GLP2R: variants seen among roughly 807,000 people sequenced by gnomAD.
GLP2R encodes the protein glucagon like peptide 2 receptor.
Under a neutral mutation model 68.2 loss-of-function variants are expected in GLP2R, and 59 were observed. The ratio of observed to expected loss-of-function variants is 0.87; its 90% CI spans 0.70 to 1.07. The LOEUF is 1.07. Ranked by LOEUF, GLP2R falls within the 50% of genes least tolerant of loss-of-function variation. GLP2R has a pLI of 0.00. For synonymous variants in GLP2R, 270 were observed against 265.4 expected, an observed-to-expected ratio of 1.02 and a Z score of -0.17; for missense variants, 548 against 677.4, an observed-to-expected ratio of 0.81 and a Z score of 2.12.
In GLP2R at chr17:9,881,623, G is replaced by A. The variant is rs3915729; in HGVS notation, c.1284+1107G>A. Among the ~76,000 whole-genome samples the A allele has an allele frequency of 4.0e-5, 6 of 151,174 alleles. 2 individuals carry two copies. The highest frequency in any genetic ancestry group is 9.8e-5 in the African/African-American group (4 of 40,716). ...TCTCGATCTCCTGACCTCGTGATCC[G>A]CCCGCCTCGGCCTCCCAAAGTGCTG... is the stretch of plus-strand genomic sequence containing the variant. On this transcript the variant is annotated intron_variant, in intron 11 of 12. Coordinates refer to ENST00000262441, the MANE Select transcript of GLP2R (RefSeq NM_004246.3).
chr17:9,836,292 C>G, intron 2 of GLP2R, 79 bp from the exon 3 acceptor site: 1 of 948,084 alleles, frequency 1.1e-6, no homozygotes, highest in Non-Finnish European at 1.7e-6. Flanking sequence ...AAGGTGGGCT[C>G]CCACGGTGCC....
At chr17:9,879,452 G>T (rs995010670) in intron 10 of GLP2R, among the ~76,000 whole-genome samples, 5 of 152,144 alleles carry the variant, frequency 3.3e-5, no homozygotes, top group African/African-American at 1.2e-4. Context: ...AGCTAGAATC[G>T]TGCTACTGTA....
At chr17:9,883,249 A>C (rs931053867) in intron 11 of GLP2R, among the ~76,000 whole-genome samples, 1 of 152,208 alleles carries the variant, frequency 6.6e-6, no homozygotes, top group Non-Finnish European at 1.5e-5. Context: ...GCTTAGATTT[A>C]AGATTGCAGA....
At chr17:9,876,877 A>G (rs1401157820) in intron 10 of GLP2R, among the ~76,000 whole-genome samples, 1 of 152,266 alleles carries the variant, frequency 6.6e-6, no homozygotes, top group Non-Finnish European at 1.5e-5. Flanking sequence ...AGTAATAACT[A>G]AAATGTATTG....
At chr17:9,885,964 G>A (rs996531994) in intron 11 of GLP2R, among the ~76,000 whole-genome samples, 1 of 152,196 alleles carries the variant, frequency 6.6e-6, no homozygotes, top group African/African-American at 2.4e-5. Flanking sequence ...ACTCTGCAGG[G>A]TGTTTTGTAC....
intron 4 of GLP2R, among the ~76,000 whole-genome samples, chr17:9,848,289 A>C (rs543262223): frequency 6.6e-6 from 1 of 152,148 alleles, no homozygotes; most frequent in Non-Finnish European, 1.5e-5. Context: ...TGAGAACAAC[A>C]ACAAAGTCAC....
At chr17:9,833,106 C>CA (rs1285243800) in intron 1 of GLP2R, among the ~76,000 whole-genome samples, 1 of 151,838 alleles carries the variant, frequency 6.6e-6, no homozygotes, top group Non-Finnish European at 1.5e-5. Flanking sequence ...ACTAAAAATA[C>CA]AAAAAAATTA....
intron 5 of GLP2R, among the ~76,000 whole-genome samples, chr17:9,856,954 G>A (rs553778331): frequency 1.3e-5 from 2 of 151,510 alleles, no homozygotes; most frequent in Non-Finnish European, 2.9e-5. Context: ...GTGAAGTCTC[G>A]CTCTGTTGCC....
rs745897692 is a variant in GLP2R, at chr17:9,825,988, G to T, written c.-76G>T. 1 of 1,190,160 alleles carries T rather than the reference G, an allele frequency of 8.4e-7. No individual in the cohort carries two copies. The highest frequency in any genetic ancestry group is 2.5e-5 in the East Asian group (1 of 40,276). 73.7% of individuals were successfully genotyped at this position (1,190,160 alleles called of 1,614,324 possible). ...ATTTCCTCTGTGGACCAAGAGGAATGCAAGAGGAGGCTGCCTGCGGTGCAT... is the reference window on the plus strand; with the variant it reads ...ATTTCCTCTGTGGACCAAGAGGAATTCAAGAGGAGGCTGCCTGCGGTGCAT... On this transcript the variant is annotated 5_prime_UTR_variant, in exon 1 of 13. An upstream start codon of the reference 5' UTR is lost. Transcript: ENST00000262441.
At chr17:9,862,682 C>T (rs1389772441) in intron 9 of GLP2R, among the ~76,000 whole-genome samples, 4 of 152,062 alleles carry the variant, frequency 2.6e-5, no homozygotes, top group Non-Finnish European at 4.4e-5. Context: ...TGAGAACTGT[C>T]AAAGAAGCTA....
At chr17:9,826,339 T>C (rs2066629695) in intron 1 of GLP2R, 87 bp downstream of exon 1, 1 of 851,958 alleles carries the variant, frequency 1.2e-6, no homozygotes, top group Non-Finnish European at 1.7e-6. Flanking sequence ...TGTAAGCAAT[T>C]TGGAAAAGAG....
intron 4 of GLP2R, among the ~76,000 whole-genome samples, chr17:9,848,266 G>A (rs911594583): frequency 1.3e-5 from 2 of 151,982 alleles, no homozygotes; most frequent in African/African-American, 4.8e-5. Context: ...TTTCTCCTGG[G>A]CTTCAAACTG....
intron 12 of GLP2R, among the ~76,000 whole-genome samples, 187 bp from the exon 13 acceptor site, chr17:9,889,183 G>T (rs1023863922): frequency 6.6e-6 from 1 of 152,156 alleles, no homozygotes; most frequent in Non-Finnish European, 1.5e-5. Context: ...GTATTGTCCT[G>T]CTTAGTACTC....
Position 9,861,121 on chromosome 17 carries a change from C to T in GLP2R, c.926-18C>T. ...GCCAACCAACTCCTAACTACATTTC[C>T]CTGTGTTTTCTCCCCAGCCTTCCCT... On this transcript the variant is annotated intron_variant, in intron 7 of 12. Coordinates refer to ENST00000262441, the MANE Select transcript of GLP2R (RefSeq NM_004246.3). The T allele has an allele frequency of 2.5e-6, 4 of 1,611,012 alleles. No homozygotes were observed. Among genetic ancestry groups the T allele is most frequent in the Non-Finnish European group, 3.4e-6 (4 of 1,177,440 alleles).
At chr17:9,854,246 C>T (rs2066915894) in intron 4 of GLP2R, among the ~76,000 whole-genome samples, 1 of 152,250 alleles carries the variant, frequency 6.6e-6, no homozygotes, top group African/African-American at 2.4e-5. Context: ...CAGTGCTGGG[C>T]TGTGGGCCCA....
At chr17:9,842,681 A>C (rs1022058308) in intron 4 of GLP2R, 65 bp downstream of exon 4, 3 of 1,573,880 alleles carry the variant, frequency 1.9e-6, no homozygotes, top group Non-Finnish European at 2.6e-6. Flanking sequence ...GGGACACCCC[A>C]GTGGCCTGCT....
At chr17:9,837,879 T>C (rs1288798260) in intron 3 of GLP2R, among the ~76,000 whole-genome samples, 7 of 152,186 alleles carry the variant, frequency 4.6e-5, no homozygotes, top group Non-Finnish European at 1.0e-4. Flanking sequence ...GAGGGTAAGA[T>C]GATAGCCTTT....
At position 9,859,983 on chromosome 17, in the gene GLP2R, C is replaced by T; in HGVS notation, c.807C>T (p.Tyr269=). 2 of 1,613,302 alleles carry T rather than the reference C, an allele frequency of 1.2e-6. No homozygotes were observed. The highest frequency in any genetic ancestry group is 2.7e-5 in the African/African-American group (2 of 75,002). The change falls in exon 7 of 13, where the codon TAC becomes TAT. Residue 269 remains tyrosine, a synonymous_variant. Coordinates refer to ENST00000262441, the MANE Select transcript of GLP2R (RefSeq NM_004246.3). Reference sequence around the variant, plus strand: ...GCTCAGTCCAGGTTCTCTTGCATTACTTTGTGGGTGCCAATTACTTATGGC... The same window carrying T: ...GCTCAGTCCAGGTTCTCTTGCATTATTTTGTGGGTGCCAATTACTTATGGC... ...SCRSVQVLLH[Y]FVGANYLWLL...
chr17:9,887,911 C>G (rs2067257611), intron 11 of GLP2R, 21 bp from the exon 12 acceptor site: 1 of 1,598,394 alleles, frequency 6.3e-7, no homozygotes, highest in South Asian at 1.1e-5. Context: ...GATTTTATGC[C>G]ATGTCCTCCT....
Sources: gnomAD v4.1 joint callset for allele counts (sites outside exome capture counted in the v4.1 genomes callset) on GRCh38, gnomAD v4.1.1 for gene constraint, MANE v1.5 for transcripts, NCBI Gene and HGNC (gene_info 2026-07-23, HGNC 2026-07-21) for gene names.